Variants in ZPBP observed in about 807,000 individuals in gnomAD.
ZPBP encodes zona pellucida binding protein.
A neutral mutation model predicts 44.8 loss-of-function variants in ZPBP; 26 were observed. The observed-to-expected ratio is 0.58, with a 90% confidence interval of 0.43 to 0.81. The LOEUF is 0.81. Ranked by LOEUF, ZPBP falls within the 30% of genes least tolerant of loss-of-function variation. The pLI is 0.00. For synonymous variants in ZPBP, 174 were observed against 153.2 expected, an observed-to-expected ratio of 1.14 and a Z score of -1.00; for missense variants, 409 against 434.0, an observed-to-expected ratio of 0.94 and a Z score of 0.51.
chr7:50,014,737 T>C (rs891804457), intron 6 of ZPBP, among the ~76,000 whole-genome samples: 2 of 152,088 alleles, frequency 1.3e-5, no homozygotes, highest in African/African-American at 2.4e-5. Context: ...AGTGCTGATA[T>C]TACAGGCTTG....
At chr7:49,983,552 G>A in intron 6 of ZPBP, 33 bp from the exon 7 acceptor site, 1 of 1,383,194 alleles carries the variant, frequency 7.2e-7, no homozygotes, top group Non-Finnish European at 1.0e-6. Flanking sequence ...TAAACTGTTA[G>A]CCATAAAAAA....
rs77353490 is a variant in ZPBP at position 50,017,820 on chromosome 7, T to C, written c.783+420A>G. 4.6e-3 allele frequency among the ~76,000 whole-genome samples: 694 copies of C among 152,178 alleles called. 4 individuals are homozygous for C. The highest frequency in any genetic ancestry group is 0.016 in the African/African-American group (674 of 41,554). On this transcript the variant is annotated intron_variant, in intron 6 of 7. Transcript: ENST00000046087. ...TAATTTAAATTCCTTCTAGAAGATATAGCATCATTTTCACCCTAAGCATAG... is the reference window on the plus strand; with the variant it reads ...TAATTTAAATTCCTTCTAGAAGATACAGCATCATTTTCACCCTAAGCATAG...
chr7:49,981,559 T>TA (rs1245826330), intron 7 of ZPBP, among the ~76,000 whole-genome samples: 5 of 71,404 alleles, frequency 7.0e-5, no homozygotes, highest in African/African-American at 2.4e-4. Context: ...ATATAAATTA[T>TA]ATATTATATA....
At chr7:50,031,596 A>G (rs1178050757) in intron 4 of ZPBP, among the ~76,000 whole-genome samples, 1 of 152,130 alleles carries the variant, frequency 6.6e-6, no homozygotes, top group East Asian at 1.9e-4. Flanking sequence ...TCACATGTCC[A>G]ATGCCTATGC....
intron 1 of ZPBP, among the ~76,000 whole-genome samples, chr7:49,910,696 C>T (rs918096472): frequency 6.6e-6 from 1 of 152,200 alleles, no homozygotes; most frequent in African/African-American, 2.4e-5. Context: ...AGATGTGACA[C>T]ATTTGTTGGC....
intron 2 of ZPBP, among the ~76,000 whole-genome samples, chr7:49,854,003 T>C (rs890874000): frequency 1.3e-5 from 2 of 151,970 alleles, no homozygotes; most frequent in African/African-American, 4.8e-5. Flanking sequence ...CTGAGAATGA[T>C]GGTTTCCAGC....
chr7:49,869,473 A>T (rs115376123), intron 2 of ZPBP, among the ~76,000 whole-genome samples: 7 of 152,222 alleles, frequency 4.6e-5, no homozygotes, highest in Non-Finnish European at 7.3e-5. Context: ...GGAAAAAATT[A>T]TCTTGTATAT....
chr7:49,958,991 A>G (rs1299566946), intron 7 of ZPBP, among the ~76,000 whole-genome samples: 1 of 152,200 alleles, frequency 6.6e-6, no homozygotes, highest in East Asian at 1.9e-4. Flanking sequence ...CCATGACCAC[A>G]TAGGTTTTTA....
At chr7:49,911,415 GA>G (rs1793420274) in intron 1 of ZPBP, among the ~76,000 whole-genome samples, 1 of 144,092 alleles carries the variant, frequency 6.9e-6, no homozygotes, top group South Asian at 2.2e-4. Flanking sequence ...CCCGGAGGCA[GA>G]GGTTGCAGTG....
intron 6 of ZPBP, among the ~76,000 whole-genome samples, chr7:49,999,141 C>T (rs1253780456): frequency 6.6e-6 from 1 of 151,720 alleles, no homozygotes; most frequent in Non-Finnish European, 1.5e-5. Flanking sequence ...GGATACTCAA[C>T]CTGCCGCATA....
chr7:49,901,518 A>G (rs1168171681), intron 1 of ZPBP, among the ~76,000 whole-genome samples: 2 of 151,886 alleles, frequency 1.3e-5, no homozygotes, highest in African/African-American at 4.8e-5. Flanking sequence ...TAAGATCTAT[A>G]TGAGGAAAAA....
At chr7:49,873,610 T>C (rs1478525089) in intron 2 of ZPBP, among the ~76,000 whole-genome samples, 1 of 152,156 alleles carries the variant, frequency 6.6e-6, no homozygotes, top group East Asian at 1.9e-4. Flanking sequence ...TGGAAAAAAG[T>C]TTGCCAGTAT....
At chr7:49,868,265 A>C (rs576021602) in intron 2 of ZPBP, among the ~76,000 whole-genome samples, 66 of 152,348 alleles carry the variant, frequency 4.3e-4, no homozygotes, top group Non-Finnish European at 8.1e-4. Flanking sequence ...TTTAGGTTTC[A>C]TTAATAGGAA....
intron 1 of ZPBP, among the ~76,000 whole-genome samples, chr7:49,927,237 C>A (rs772354761): frequency 6.6e-6 from 1 of 152,206 alleles, no homozygotes; most frequent in Non-Finnish European, 1.5e-5. Flanking sequence ...TCACTCCAGC[C>A]AGTACAGTAA....
chr7:50,078,210 ATAGACAG>A (rs1478741645), intron 3 of ZPBP, among the ~76,000 whole-genome samples: 1 of 151,694 alleles, frequency 6.6e-6, no homozygotes, highest in East Asian at 1.9e-4. Flanking sequence ...ACTCATGGAC[ATAGACAG>A]TAGAAGGATG....
At chr7:50,044,500 C>T (rs1800251173) in intron 4 of ZPBP, among the ~76,000 whole-genome samples, 1 of 152,076 alleles carries the variant, frequency 6.6e-6, no homozygotes, top group Admixed American at 6.5e-5. Context: ...ACATTGATCC[C>T]ACAGAAATAC....
intron 7 of ZPBP, among the ~76,000 whole-genome samples, chr7:49,950,359 AG>A (rs1309135378): frequency 1.3e-5 from 2 of 151,898 alleles, no homozygotes; most frequent in Non-Finnish European, 3.0e-5. Context: ...CAAAAATATA[AG>A]TTTAAGACAA....
intron 2 of ZPBP, among the ~76,000 whole-genome samples, chr7:49,869,832 A>G (rs1348816590): frequency 1.3e-5 from 2 of 152,160 alleles, no homozygotes; most frequent in East Asian, 3.9e-4. Context: ...TTTCATAGTA[A>G]TCCAAAACGG....
intron 1 of ZPBP, among the ~76,000 whole-genome samples, chr7:50,092,083 T>C (rs920474791): frequency 6.6e-6 from 1 of 152,222 alleles, no homozygotes; most frequent in African/African-American, 2.4e-5. Flanking sequence ...AGATACTAAC[T>C]GCTTATTCTA....
Sources: gnomAD v4.1 joint callset for allele counts (sites outside exome capture counted in the v4.1 genomes callset) on GRCh38, gnomAD v4.1.1 for gene constraint, MANE v1.5 for transcripts, NCBI Gene and HGNC (gene_info 2026-07-23, HGNC 2026-07-21) for gene names.